EPHA6: variants seen among roughly 807,000 people sequenced by gnomAD.
The protein encoded by EPHA6 is EPH receptor A6.
A neutral mutation model predicts 112.0 loss-of-function variants in EPHA6; 50 were observed. The ratio of observed to expected loss-of-function variants is 0.45; its 90% CI spans 0.36 to 0.56. EPHA6 has a LOEUF of 0.56. Among genes scored for constraint, EPHA6 ranks in the 20% least tolerant of loss-of-function variants. The pLI is 0.00. For missense variants in EPHA6, 1,280 were observed against 1,417.4 expected, an observed-to-expected ratio of 0.90 and a Z score of 1.56; for synonymous variants, 529 against 490.7, an observed-to-expected ratio of 1.08 and a Z score of -1.03.
At chr3:96,856,784 A>C (rs1041358999) in intron 1 of EPHA6, among the ~76,000 whole-genome samples, 1 of 152,116 alleles carries the variant, frequency 6.6e-6, no homozygotes, top group Non-Finnish European at 1.5e-5. Flanking sequence ...CTCTTTAAGA[A>C]ATCTTTATCT....
chr3:97,437,865 C>T (rs778120167), intron 6 of EPHA6, among the ~76,000 whole-genome samples: 1 of 151,926 alleles, frequency 6.6e-6, no homozygotes, highest in African/African-American at 2.4e-5. Context: ...GTCATTTTAT[C>T]TATCCTCAGT....
chr3:97,150,154 T>G (rs1173757607), intron 3 of EPHA6, among the ~76,000 whole-genome samples: 1 of 151,954 alleles, frequency 6.6e-6, no homozygotes, highest in Non-Finnish European at 1.5e-5. Context: ...CTGTTCTAGT[T>G]AAAAAATTGA....
intron 2 of EPHA6, among the ~76,000 whole-genome samples, chr3:96,886,390 A>C (rs927794853): frequency 6.6e-6 from 1 of 152,024 alleles, no homozygotes; most frequent in Non-Finnish European, 1.5e-5. Flanking sequence ...CGATTGTGAT[A>C]TTTTCCTCTT....
chr3:96,852,204 G>A (rs771817718), intron 1 of EPHA6, among the ~76,000 whole-genome samples: 1 of 151,940 alleles, frequency 6.6e-6, no homozygotes, highest in East Asian at 1.9e-4. Context: ...ACATCAAGAG[G>A]GTGTTTGGGC....
chr3:97,224,578 A>T (rs1310372206), intron 3 of EPHA6, among the ~76,000 whole-genome samples: 1 of 152,310 alleles, frequency 6.6e-6, no homozygotes, highest in South Asian at 2.1e-4. Context: ...AAAGAAGAAA[A>T]CAATATGCTT....
intron 3 of EPHA6, among the ~76,000 whole-genome samples, chr3:97,002,015 T>C (rs1298377624): frequency 6.6e-6 from 1 of 152,090 alleles, no homozygotes; most frequent in East Asian, 1.9e-4. Flanking sequence ...ATATTTGGTC[T>C]TTTTTAAAAT....
chr3:96,989,389 A>G (rs1454445846), intron 3 of EPHA6, among the ~76,000 whole-genome samples: 2 of 152,206 alleles, frequency 1.3e-5, no homozygotes, highest in Non-Finnish European at 2.9e-5. Flanking sequence ...TAATCATTAA[A>G]GTATGTTTCA....
intron 6 of EPHA6, among the ~76,000 whole-genome samples, chr3:97,429,253 A>G (rs1360717047): frequency 6.6e-6 from 1 of 152,146 alleles, no homozygotes; most frequent in Admixed American, 6.6e-5. Flanking sequence ...GTTCATCCAT[A>G]CTTTTATAGT....
intron 3 of EPHA6, among the ~76,000 whole-genome samples, chr3:97,213,001 T>G (rs986454507): frequency 6.6e-6 from 1 of 152,218 alleles, no homozygotes; most frequent in Non-Finnish European, 1.5e-5. Context: ...ACTGCTTGTC[T>G]GATACCTGGG....
chr3:97,263,978 GATCTCT>G (rs1158862500), intron 5 of EPHA6, among the ~76,000 whole-genome samples: 1 of 152,182 alleles, frequency 6.6e-6, no homozygotes, highest in Non-Finnish European at 1.5e-5. Context: ...AAAGATGCCA[GATCTCT>G]TTATGCGTCC....
intron 3 of EPHA6, among the ~76,000 whole-genome samples, chr3:97,183,001 C>CT (rs926043883): frequency 1.3e-5 from 2 of 151,570 alleles, no homozygotes; most frequent in Non-Finnish European, 3.0e-5. Context: ...TTTAAATCTA[C>CT]TTTTTTTTTC....
chr3:97,245,102 TA>T (rs1671447011), intron 5 of EPHA6, among the ~76,000 whole-genome samples: 1 of 152,046 alleles, frequency 6.6e-6, no homozygotes, highest in African/African-American at 2.4e-5. Flanking sequence ...GAAAAATTTA[TA>T]AAGATAAAAC....
chr3:97,336,137 T>C (rs546098147), intron 5 of EPHA6, among the ~76,000 whole-genome samples: 2 of 152,264 alleles, frequency 1.3e-5, no homozygotes, highest in Non-Finnish European at 1.5e-5. Context: ...ATTTCTAATC[T>C]TGTGGCTAAT....
At chr3:96,940,833 G>T (rs1002608810) in intron 2 of EPHA6, among the ~76,000 whole-genome samples, 10 of 152,180 alleles carry the variant, frequency 6.6e-5, no homozygotes, top group African/African-American at 1.9e-4. Flanking sequence ...GTCTGTAAAG[G>T]ATTTTATTTC....
At chr3:96,869,576 G>T (rs2036519726) in intron 2 of EPHA6, among the ~76,000 whole-genome samples, 2 of 151,968 alleles carry the variant, frequency 1.3e-5, no homozygotes, top group African/African-American at 4.8e-5. Flanking sequence ...TGAGAAATAG[G>T]ACCTGTAATC....
chr3:97,571,490 A>C (rs2107226123), intron 11 of EPHA6, among the ~76,000 whole-genome samples: 1 of 152,310 alleles, frequency 6.6e-6, no homozygotes, highest in East Asian at 1.9e-4. Context: ...CTTGCAAGGA[A>C]GTTCTTGTAC....
intron 15 of EPHA6, among the ~76,000 whole-genome samples, chr3:97,728,938 G>A (rs1050149681): frequency 6.6e-6 from 1 of 152,016 alleles, no homozygotes; most frequent in African/African-American, 2.4e-5. Context: ...TTAACAATCC[G>A]TAAAAAGGAG....
intron 11 of EPHA6, among the ~76,000 whole-genome samples, chr3:97,563,923 C>A (rs1187177991): frequency 6.6e-6 from 1 of 151,982 alleles, no homozygotes; most frequent in African/African-American, 2.4e-5. Flanking sequence ...AAGAATGAAA[C>A]AAAATCAACT....
chr3:97,637,802 T>C, intron 13 of EPHA6, 71 bp from the exon 14 acceptor site: 1 of 1,099,388 alleles, frequency 9.1e-7, no homozygotes, highest in East Asian at 2.4e-5. Context: ...AATATAAGGA[T>C]CTTATTTAAT....
Sources: gnomAD v4.1 joint callset for allele counts (sites outside exome capture counted in the v4.1 genomes callset) on GRCh38, gnomAD v4.1.1 for gene constraint, MANE v1.5 for transcripts, NCBI Gene and HGNC (gene_info 2026-07-23, HGNC 2026-07-21) for gene names.